The following GADL1 variants were observed in gnomAD, a reference collection of about 807,000 sequenced individuals.
GADL1 encodes the protein acidic amino acid decarboxylase GADL1.
A neutral mutation model predicts 69.5 loss-of-function variants in GADL1; 71 were observed. The ratio of observed to expected loss-of-function variants is 1.02; its 90% confidence interval spans 0.84 to 1.25. GADL1 has a LOEUF of 1.25. Among genes scored for constraint, GADL1 ranks in the 50% most tolerant of loss-of-function variants. The probability of loss-of-function intolerance (pLI) is 0.00; values close to 1 mark genes in which losing one functional copy is unlikely to be tolerated. For missense variants in GADL1, 737 were observed against 631.8 expected (o/e 1.17, Z -1.79); for synonymous variants, 254 against 214.4 (o/e 1.18, Z -1.62).
chr3:30,801,240 A>C, intron 11 of GADL1, 152 bp from the exon 12 acceptor site: 9 of 630,258 alleles, frequency 1.4e-5, no homozygotes, highest in Admixed American at 2.7e-5. Flanking sequence ...ATCAGTGTAC[A>C]TTGACTTTCA....
At chr3:30,829,803 C>A (rs1351343478) in intron 11 of GADL1, among the ~76,000 whole-genome samples, 1 of 151,830 alleles carries the variant, frequency 6.6e-6, no homozygotes, top group Admixed American at 6.6e-5. Flanking sequence ...GACATTCTTT[C>A]TCCTCATGTA....
At chr3:30,863,337 TTTTCAACC>T (rs1196078613) in intron 1 of GADL1, among the ~76,000 whole-genome samples, 1 of 151,966 alleles carries the variant, frequency 6.6e-6, no homozygotes, top group African/African-American at 2.4e-5. Context: ...GCCTTTAAAC[TTTTCAACC>T]TTGCAGCTTA....
Position 30,728,224 on chromosome 3 carries a change from G to A in GADL1, c.*18C>T, listed in dbSNP as rs762569597. On this transcript the variant is annotated 3_prime_UTR_variant, in exon 15 of 15. Transcript: ENST00000282538. ...CTCCCAGGATAGGATCTATGCCTCT[G>A]GGGGACCAAAGCCACAGCTACATGT... 1.4e-5 allele frequency: 23 copies of A among 1,608,768 alleles called. No individual in the cohort carries two copies. The highest frequency in any genetic ancestry group is 1.6e-5 in the Non-Finnish European group (19 of 1,175,472).
rs1575205149 is a variant in GADL1, at chr3:30,787,015, G to GGA, written c.1251-611_1251-610dup. Among the ~76,000 whole-genome samples the GGA allele has an allele frequency of 2.6e-5, 4 of 152,226 alleles. No homozygotes were observed. In the South Asian group the frequency reaches 8.3e-4, roughly 32 times the overall value. On this transcript the variant is annotated intron_variant, in intron 12 of 14. Coordinates refer to ENST00000282538, the MANE Select transcript of GADL1 (RefSeq NM_207359.3). Reference sequence around the variant, plus strand: ...GAACAGTGAGAACACATGGACACAGGGAGGGGAGCAACACACACTAGGGCC... The same window carrying GGA: ...GAACAGTGAGAACACATGGACACAGGGAGAGGGGAGCAACACACACTAGGGCC...
At chr3:30,844,569 C>A in intron 6 of GADL1, 103 bp from the exon 7 acceptor site, 1 of 793,542 alleles carries the variant, frequency 1.3e-6, no homozygotes, top group Non-Finnish European at 2.2e-6. Context: ...TGAGCACAAT[C>A]TTTGGGACAT....
intron 14 of GADL1, among the ~76,000 whole-genome samples, chr3:30,755,960 A>T (rs1025299853): frequency 6.6e-6 from 1 of 152,028 alleles, no homozygotes; most frequent in South Asian, 2.1e-4. Flanking sequence ...GCTGCCTCCT[A>T]TATGCAGATT....
intron 11 of GADL1, among the ~76,000 whole-genome samples, chr3:30,814,384 T>G (rs1268659479): frequency 1.3e-5 from 2 of 152,168 alleles, no homozygotes; most frequent in Admixed American, 1.3e-4. Flanking sequence ...GATGAGCAAG[T>G]GAGTACACCT....
At chr3:30,737,679 G>A (rs958650700) in intron 14 of GADL1, among the ~76,000 whole-genome samples, 1 of 152,092 alleles carries the variant, frequency 6.6e-6, no homozygotes, top group Admixed American at 6.6e-5. Flanking sequence ...ATGAAATCAT[G>A]TGCATCCAAG....
Position 30,885,288 on chromosome 3 carries a change from A to C in GADL1, c.37+9290T>G, listed in dbSNP as rs1177077854. 3.3e-5 allele frequency among the ~76,000 whole-genome samples: 5 copies of C among 152,180 alleles called. No homozygotes were observed. In the South Asian group the frequency reaches 8.3e-4, roughly 25 times the overall value. ...TTTTCTTCTGTCTTATCTATGATTT[A>C]AAGATGTTAAAATAAGTATCCAGCA... On this transcript the variant is annotated intron_variant, in intron 1 of 14. Transcript: ENST00000282538.
At chr3:30,854,834 A>G in intron 3 of GADL1, 45 bp from the exon 4 acceptor site, 1 of 978,374 alleles carries the variant, frequency 1.0e-6, no homozygotes, top group Non-Finnish European at 1.6e-6. Flanking sequence ...CAATAAAAAA[A>G]AAAACTACTG....
intron 2 of GADL1, among the ~76,000 whole-genome samples, chr3:30,860,530 T>C (rs1698305223): frequency 6.6e-6 from 1 of 151,982 alleles, no homozygotes; most frequent in African/African-American, 2.4e-5. Flanking sequence ...CCAAACACCA[T>C]CAGGATTTTG....
At chr3:30,738,402 C>T (rs1695567606) in intron 14 of GADL1, among the ~76,000 whole-genome samples, 1 of 152,090 alleles carries the variant, frequency 6.6e-6, no homozygotes, top group South Asian at 2.1e-4. Flanking sequence ...ATCCAAAATG[C>T]CAGTAGTGCC....
chr3:30,809,918 G>A (rs1235320927), intron 11 of GADL1, among the ~76,000 whole-genome samples: 1 of 152,122 alleles, frequency 6.6e-6, no homozygotes, highest in Non-Finnish European at 1.5e-5. Context: ...TCAATTTAAG[G>A]AGCATGAGGC....
intron 1 of GADL1, among the ~76,000 whole-genome samples, chr3:30,862,097 C>T (rs1698329661): frequency 6.6e-6 from 1 of 151,872 alleles, no homozygotes. Context: ...CATTCACATA[C>T]AATTCCCATG....
chr3:30,757,526 A>G (rs1191636502), intron 14 of GADL1, among the ~76,000 whole-genome samples: 3 of 152,228 alleles, frequency 2.0e-5, no homozygotes, highest in Admixed American at 1.3e-4. Context: ...ACAGCCTTAA[A>G]GCTAATGTAA....
chr3:30,753,800 C>T (rs554936506), intron 14 of GADL1, among the ~76,000 whole-genome samples: 4 of 152,280 alleles, frequency 2.6e-5, no homozygotes, highest in African/African-American at 9.6e-5. Context: ...TTATCTAATT[C>T]ATAAATTGCA....
In GADL1 at chr3:30,834,544, T is replaced by C. The variant is rs181603412; in HGVS notation, c.904-263A>G. 3.3e-5 allele frequency among the ~76,000 whole-genome samples: 5 copies of C among 152,164 alleles called. 1 individual carries two copies. In the East Asian group the frequency reaches 5.8e-4, roughly 18 times the overall value. ...ATTGGTATATTAACCAACTGAGCTA[T>C]GTGTGGATGGAAGAGGTTCAAAGTC... On this transcript the variant is annotated intron_variant, in intron 9 of 14. Transcript: ENST00000282538.
chr3:30,813,838 A>G (rs1697407093), intron 11 of GADL1, among the ~76,000 whole-genome samples: 1 of 152,260 alleles, frequency 6.6e-6, no homozygotes, highest in Admixed American at 6.5e-5. Context: ...AACATTTAAG[A>G]AGTACTTGGC....
At chr3:30,791,603 G>A (rs1042257013) in intron 12 of GADL1, among the ~76,000 whole-genome samples, 17 of 152,138 alleles carry the variant, frequency 1.1e-4, no homozygotes, top group Non-Finnish European at 2.4e-4. Flanking sequence ...AAACAGAGCT[G>A]AATTATTTCT....
Sources: gnomAD v4.1 joint callset for allele counts (sites outside exome capture counted in the v4.1 genomes callset) on GRCh38, gnomAD v4.1.1 for gene constraint, MANE v1.5 for transcripts, NCBI Gene and HGNC (gene_info 2026-07-23, HGNC 2026-07-21) for gene names.